CD3G: variants seen among roughly 807,000 people sequenced by gnomAD.
The protein encoded by CD3G is T-cell surface glycoprotein CD3 gamma chain.
A neutral mutation model predicts 28.3 loss-of-function variants in CD3G; 24 were observed. That is an observed-to-expected ratio of 0.85 (90% confidence interval 0.61 to 1.19). CD3G has a LOEUF of 1.19. CD3G is among the 50% of genes most tolerant of loss of function. CD3G has a pLI of 0.00. For synonymous variants in CD3G, 71 were observed against 75.9 expected (o/e 0.93, Z 0.34); for missense variants, 211 against 210.0 (o/e 1.00, Z -0.03).
intron 3 of CD3G, 190 bp downstream of exon 3, chr11:118,350,160 A>C (rs1341190486): frequency 3.2e-6 from 2 of 617,780 alleles, no homozygotes; most frequent in Non-Finnish European, 5.7e-6. Flanking sequence ...AACTACAGCC[A>C]GTCCTGTAAA....
chr11:118,348,562 T>C (rs1301187575), intron 1 of CD3G, among the ~76,000 whole-genome samples: 1 of 152,154 alleles, frequency 6.6e-6, no homozygotes, highest in African/African-American at 2.4e-5. Context: ...AAGTTTTTAT[T>C]GAGGTATCTT....
chr11:118,355,074 T>A lies in CD3G; in HGVS notation c.*1974T>A. On this transcript the variant is annotated 3_prime_UTR_variant, in exon 7 of 7. Coordinates refer to ENST00000532917, the MANE Select transcript of CD3G (RefSeq NM_000073.3). ...GTCTTCTTTTTATACTTTTTACAGCTTTATGGTTTTAGCTCTAACAATAAA... is the reference window on the plus strand; with the variant it reads ...GTCTTCTTTTTATACTTTTTACAGCATTATGGTTTTAGCTCTAACAATAAA... 1 of 152,106 alleles carries A rather than the reference T, an allele frequency of 6.6e-6. No individual in the cohort carries two copies. The highest frequency in any genetic ancestry group is 1.5e-5 in the Non-Finnish European group (1 of 67,988). The allele number at this position is 152,106 out of a possible 1,614,324, so 9.4% of individuals were successfully genotyped here.
rs539022315 is a variant in CD3G at position 118,354,549 on chromosome 11, G to C, written c.*1449G>C. ...GGGTTTCACCATGTTGGCCAGGCTG[G>C]TCTCCAATTCCTGACCTCAGGCGAT... On this transcript the variant is annotated 3_prime_UTR_variant, in exon 7 of 7. Transcript: ENST00000532917. 2 of 151,644 alleles carry C rather than the reference G, an allele frequency of 1.3e-5. No individual in the cohort carries two copies. Among genetic ancestry groups the C allele is most frequent in the Non-Finnish European group, 2.9e-5 (2 of 67,958 alleles). The allele number at this position is 151,644 out of a possible 1,614,324, so 9.4% of individuals were successfully genotyped here.
chr11:118,345,716 A>C (rs1225752565), intron 1 of CD3G, among the ~76,000 whole-genome samples: 1 of 152,172 alleles, frequency 6.6e-6, no homozygotes, highest in Non-Finnish European at 1.5e-5. Context: ...AGAGGAAGGC[A>C]ACGTTACCCT....
Sources: allele counts gnomAD v4.1 joint callset (sites outside exome capture counted in the v4.1 genomes callset), GRCh38; gene constraint gnomAD v4.1.1; transcripts MANE v1.5; gene names NCBI Gene and HGNC (gene_info 2026-07-23, HGNC 2026-07-21).